KIAA0408: variants seen among roughly 807,000 people sequenced by gnomAD.
KIAA0408 encodes the protein uncharacterized protein KIAA0408.
A neutral mutation model predicts 60.9 loss-of-function variants in KIAA0408; 51 were observed. That is an observed-to-expected ratio of 0.84 (90% CI 0.67 to 1.06). KIAA0408 has a LOEUF of 1.06. Among genes scored for constraint, KIAA0408 ranks in the 50% least tolerant of loss-of-function variants. The pLI, the probability that KIAA0408 is intolerant of heterozygous loss-of-function variation, is 0.00. For missense variants in KIAA0408, 787 were observed against 833.9 expected (o/e 0.94, Z 0.69); for synonymous variants, 304 against 282.4 (o/e 1.08, Z -0.77).
intron 1 of KIAA0408, among the ~76,000 whole-genome samples, chr6:127,454,481 T>C (rs1773356218): frequency 6.6e-6 from 1 of 152,142 alleles, no homozygotes; most frequent in Non-Finnish European, 1.5e-5. Context: ...ATAAAATTAT[T>C]CTTTCTGTTC....
In KIAA0408 at chr6:127,441,607, T is replaced by C. The variant is rs953297161; in HGVS notation, c.*2502A>G. The C allele has an allele frequency of 6.6e-6, 1 of 152,176 alleles. No homozygotes were observed. Among genetic ancestry groups the C allele is most frequent in the African/African-American group, 2.4e-5 (1 of 41,438 alleles). 9.4% of individuals were successfully genotyped at this position (152,176 alleles called of 1,614,324 possible). On this transcript the variant is annotated 3_prime_UTR_variant, in exon 6 of 6. Transcript: ENST00000483725. ...TTTCCAGAAATGCTTACAAGTCCCT[T>C]TAAATCTAGCAATGATAGCATAATA...
chr6:127,453,764 A>G, intron 2 of KIAA0408, 83 bp downstream of exon 2: 1 of 1,514,480 alleles, frequency 6.6e-7, no homozygotes, highest in Non-Finnish European at 8.8e-7. Context: ...GAAATCAAAA[A>G]CAGTTTCCAA....
intron 4 of KIAA0408, among the ~76,000 whole-genome samples, chr6:127,448,797 C>T (rs1473523916): frequency 6.6e-6 from 1 of 152,068 alleles, no homozygotes; most frequent in Non-Finnish European, 1.5e-5. Flanking sequence ...TTCTGAGCTT[C>T]CTAACAACTA....
intron 1 of KIAA0408, among the ~76,000 whole-genome samples, chr6:127,455,488 C>T (rs1432239242): frequency 6.6e-6 from 1 of 152,066 alleles, no homozygotes. Flanking sequence ...GACTAGTAAA[C>T]AGTTTTGAAT....
chr6:127,451,699 T>C lies in KIAA0408; in HGVS notation c.136-1347A>G, dbSNP rs114655941. 6.2e-3 allele frequency among the ~76,000 whole-genome samples: 941 copies of C among 152,328 alleles called. 6 individuals are homozygous for C. The highest frequency in any genetic ancestry group is 0.021 in the African/African-American group (875 of 41,578). On this transcript the variant is annotated intron_variant, in intron 2 of 5. Transcript: ENST00000483725. ...TTTGTTAGTTACTAGAAAGACTCAC[T>C]GGTACATTTCATATATGATCCTTCC...
intron 1 of KIAA0408, among the ~76,000 whole-genome samples, chr6:127,455,954 CATT>C (rs998530435): frequency 6.6e-5 from 10 of 152,116 alleles, no homozygotes; most frequent in Non-Finnish European, 1.2e-4. Flanking sequence ...ATCTAATTTC[CATT>C]GATCTTGATC....
chr6:127,450,120 T>C lies in KIAA0408; in HGVS notation c.368A>G (p.Lys123Arg). 1 of 1,614,120 alleles carries C rather than the reference T, an allele frequency of 6.2e-7. No homozygotes were observed. The highest frequency in any genetic ancestry group is 8.5e-7 in the Non-Finnish European group (1 of 1,179,986). Residue 123 changes from lysine to arginine, a missense_variant, in exon 3 of 6, where the codon AAA becomes AGA. Physicochemically the swap from Lys to Arg is conservative, Grantham distance 26. Transcript: ENST00000483725. The part of the protein sequence containing the change: ...SGGNQMCKEQ[K>R]ATKKSKVGFL... ...CCCTACTTTTGATTTTTTTGTTGCT[T>C]TTTGTTCCTTACACATTTGATTTCC...
In KIAA0408 at chr6:127,447,691, G is replaced by T. The variant is rs768096533; in HGVS notation, c.628C>A (p.Pro210Thr). ...LQEMPNVTNI[P>T]HGDPMINNDQ... ...TTGTTGATCATGGGGTCCCCATGAG[G>T]TATATTAGTTACATTTGGCATTTCC... The change falls in exon 5 of 6, where the codon CCT (proline) becomes ACT (threonine). Residue 210 changes from proline to threonine, a missense_variant. Coordinates refer to ENST00000483725, the MANE Select transcript of KIAA0408 (RefSeq NM_014702.5). 3 of 1,576,080 alleles carry T rather than the reference G, an allele frequency of 1.9e-6. No individual in the cohort carries two copies. The highest frequency in any genetic ancestry group is 2.0e-5 in the Admixed American group (1 of 49,698).
chr6:127,458,842 T>C (rs1199493375), intron 1 of KIAA0408, among the ~76,000 whole-genome samples: 1 of 152,180 alleles, frequency 6.6e-6, no homozygotes, highest in Non-Finnish European at 1.5e-5. Flanking sequence ...TTTGAATAAA[T>C]ATACTTAGTG....
Position 127,446,972 on chromosome 6 carries a change from T to C in KIAA0408, c.1347A>G (p.Val449=). Residue 449 remains valine, a synonymous_variant, in exon 5 of 6, where the codon GTA becomes GTG. Coordinates refer to ENST00000483725, the MANE Select transcript of KIAA0408 (RefSeq NM_014702.5). The part of the protein sequence containing the change: ...AAKTDEFNRT[V]FRTDRNCQAI... ...CCTGACAATTTCTATCTGTTCTAAA[T>C]ACAGTTCTGTTAAATTCATCAGTCT... 1.2e-6 allele frequency: 2 copies of C among 1,614,056 alleles called. No individual in the cohort carries two copies. The highest frequency in any genetic ancestry group is 1.7e-6 in the Non-Finnish European group (2 of 1,180,002).
At chr6:127,450,896 T>C (rs1773291332) in intron 2 of KIAA0408, 2 of 157,254 alleles carry the variant, frequency 1.3e-5, no homozygotes, top group Non-Finnish European at 2.8e-5. Context: ...GGGCTAGATA[T>C]TACTGAGATT....
chr6:127,447,832 A>C, intron 4 of KIAA0408, 92 bp from the exon 5 acceptor site: 1 of 1,423,034 alleles, frequency 7.0e-7, no homozygotes, highest in Non-Finnish European at 9.2e-7. Flanking sequence ...AGTTTCTGCT[A>C]TAAGAAAAGG....
In KIAA0408 at chr6:127,447,670, T is replaced by G; in HGVS notation, c.649A>C (p.Asn217His). Residue 217 changes from asparagine to histidine, a missense_variant, in exon 5 of 6, where the codon AAC (asparagine) becomes CAC (histidine). This residue lies in a region of KIAA0408 where 640 missense variants were observed against 681.3 expected (regional missense o/e 0.94). Coordinates refer to ENST00000483725, the MANE Select transcript of KIAA0408 (RefSeq NM_014702.5). Reference protein sequence around the residue: ...TNIPHGDPMINNDQCILPISL... With the variant: ...TNIPHGDPMIHNDQCILPISL... The stretch of plus-strand genomic sequence containing the variant: ...ATTGGAAGAATGCACTGGTCATTGT[T>G]GATCATGGGGTCCCCATGAGGTATA... 1 of 1,599,160 alleles carries G rather than the reference T, an allele frequency of 6.3e-7. No homozygotes were observed.
rs571746345 is a variant in KIAA0408, at chr6:127,446,983, T to A, written c.1336A>T (p.Asn446Tyr). The change falls in exon 5 of 6, where the codon AAC (asparagine) becomes TAC (tyrosine). Residue 446 changes from asparagine (N) to tyrosine (Y), a missense_variant. By Grantham distance (143) the Asn-to-Tyr change is moderately radical. Around this residue, in one of 3 missense-constraint regions of KIAA0408, gnomAD observed 640 missense variants for 681.3 expected, o/e 0.94. Coordinates refer to ENST00000483725, the MANE Select transcript of KIAA0408 (RefSeq NM_014702.5). ...EKLAAKTDEF[N>Y]RTVFRTDRNC... is the part of the protein sequence containing the mutation. ...CTATCTGTTCTAAATACAGTTCTGT[T>A]AAATTCATCAGTCTTTGCTGCCAGC... The A allele has an allele frequency of 7.4e-6, 12 of 1,614,008 alleles. No homozygotes were observed. In the South Asian group the frequency reaches 1.2e-4, roughly 16 times the overall value.
Position 127,444,146 on chromosome 6 carries a change from T to C in KIAA0408, c.2048A>G (p.Tyr683Cys), listed in dbSNP as rs140159914. The stretch of plus-strand genomic sequence containing the variant: ...TGCTTCGGATCGCAGAGAAATGGTA[T>C]AGTTGTGGGTAGTTCTCCGCAAGGC... Reference protein sequence around the residue: ...PPALRRTTHNYTISLRSEALM... With the variant: ...PPALRRTTHNCTISLRSEALM... The change falls in exon 6 of 6, where the codon TAT (tyrosine) becomes TGT (cysteine). Residue 683 changes from tyrosine to cysteine, a missense_variant. Around this residue, in one of 3 missense-constraint regions of KIAA0408, gnomAD observed 133 missense variants for 119.2 expected, o/e 1.12. Transcript: ENST00000483725. 8.1e-6 allele frequency: 13 copies of C among 1,613,846 alleles called. No homozygotes were observed. In the African/African-American group the frequency reaches 1.3e-4, roughly 17 times the overall value.
At chr6:127,452,100 C>G (rs1773311895) in intron 2 of KIAA0408, among the ~76,000 whole-genome samples, 1 of 152,140 alleles carries the variant, frequency 6.6e-6, no homozygotes, top group Non-Finnish European at 1.5e-5. Context: ...GAACAGGGAA[C>G]TACGAGCATC....
chr6:127,450,318 T>C lies in KIAA0408; in HGVS notation c.170A>G (p.Asn57Ser), dbSNP rs1773280534. ...AATGATCTTAGCACTTTCATTGATA[T>C]TGATTTTCCTCCAAAGCTTTACTTC... Reference protein sequence around the residue: ...CREVKLWRKININESAKIIDL... With the variant: ...CREVKLWRKISINESAKIIDL... Residue 57 changes from asparagine to serine, a missense_variant, in exon 3 of 6, where the codon AAT (asparagine) becomes AGT (serine). Physicochemically the swap from Asn to Ser is conservative, Grantham distance 46. Around this residue, in one of 3 missense-constraint regions of KIAA0408, gnomAD observed 640 missense variants for 681.3 expected, o/e 0.94. Coordinates refer to ENST00000483725, the MANE Select transcript of KIAA0408 (RefSeq NM_014702.5). The C allele has an allele frequency of 1.0e-5, 16 of 1,604,118 alleles. No individual in the cohort carries two copies. The highest frequency in any genetic ancestry group is 3.4e-5 in the South Asian group (3 of 89,040).
At chr6:127,450,533 T>G in intron 2 of KIAA0408, 181 bp from the exon 3 acceptor site, 1 of 1,028,870 alleles carries the variant, frequency 9.7e-7, no homozygotes, top group Admixed American at 3.5e-5. Context: ...ACAAGTTTGA[T>G]GAAACATAAA....
chr6:127,443,966 A>C lies in KIAA0408; in HGVS notation c.*143T>G. 1.5e-6 allele frequency: 1 copy of C among 683,260 alleles called. No individual in the cohort carries two copies. The highest frequency in any genetic ancestry group is 2.4e-6 in the Non-Finnish European group (1 of 419,152). 42.3% of individuals were successfully genotyped at this position (683,260 alleles called of 1,614,324 possible). A position where few individuals can be genotyped will look rare whatever the true frequency, so the allele number is the denominator to read the frequency against. On this transcript the variant is annotated 3_prime_UTR_variant, in exon 6 of 6. Coordinates refer to ENST00000483725, the MANE Select transcript of KIAA0408 (RefSeq NM_014702.5). ...AAATGCAGGAAGATAATTATTCCTT[A>C]GATTAAAAACACTGAAGACTGATGG...
Sources: allele counts gnomAD v4.1 joint callset (sites outside exome capture counted in the v4.1 genomes callset), GRCh38; gene constraint gnomAD v4.1.1; regional missense constraint gnomAD v4.1.1; transcripts MANE v1.5; gene names NCBI Gene and HGNC (gene_info 2026-07-23, HGNC 2026-07-21).